The following DCAF1 variants were observed in gnomAD, a reference collection of about 807,000 sequenced individuals.
The protein encoded by DCAF1 is DDB1 and CUL4 associated factor 1.
DCAF1 carries 15 observed loss-of-function variants against 128.0 expected under a neutral mutation model. The observed-to-expected ratio is 0.12, with a 90% CI of 0.08 to 0.18. The LOEUF is 0.18. Ranked by LOEUF, DCAF1 falls within the 10% of genes least tolerant of loss-of-function variation. DCAF1 has a pLI of 1.00. For synonymous variants in DCAF1, 610 were observed against 603.0 expected, an observed-to-expected ratio of 1.01 and a Z score of -0.17; for missense variants, 988 against 1,649.5, an observed-to-expected ratio of 0.60 and a Z score of 6.95.
chr3:51,502,098 C>T (rs1363304817), upstream of DCAF1, among the ~76,000 whole-genome samples: 4 of 152,136 alleles, frequency 2.6e-5, no homozygotes, highest in African/African-American at 4.8e-5. Flanking sequence ...TGGATATCTC[C>T]CCTCTGACTA....
intron 6 of DCAF1, among the ~76,000 whole-genome samples, chr3:51,447,014 A>G (rs1419639218): frequency 8.6e-6 from 1 of 116,486 alleles, no homozygotes; most frequent in Admixed American, 8.4e-5. Context: ...TGTTTTAAAT[A>G]TTTTTTAAAA....
intron 9 of DCAF1, chr3:51,437,485 TGA>T (rs2107640663): frequency 2.3e-6 from 1 of 438,588 alleles, no homozygotes; most frequent in East Asian, 6.7e-5. Context: ...AGGTAACTAC[TGA>T]GAGATGAGGT....
At chr3:51,477,173 T>C (rs1343323827) in intron 3 of DCAF1, among the ~76,000 whole-genome samples, 1 of 151,900 alleles carries the variant, frequency 6.6e-6, no homozygotes, top group Non-Finnish European at 1.5e-5. Flanking sequence ...AAAGGATGAA[T>C]TCAAGTTACA....
At chr3:51,498,506 C>T (rs1708494040) in intron 1 of DCAF1, among the ~76,000 whole-genome samples, 1 of 151,716 alleles carries the variant, frequency 6.6e-6, no homozygotes, top group South Asian at 2.1e-4. Flanking sequence ...GGGAGGCTGA[C>T]CAGGGAGGAT....
At chr3:51,488,031 A>T (rs1707178675) in intron 2 of DCAF1, among the ~76,000 whole-genome samples, 1 of 151,556 alleles carries the variant, frequency 6.6e-6, no homozygotes, top group South Asian at 2.1e-4. Context: ...TGCCCGGCTA[A>T]TTTTTGTACT....
chr3:51,407,010 A>C (rs2090163726), intron 23 of DCAF1, among the ~76,000 whole-genome samples: 1 of 152,192 alleles, frequency 6.6e-6, no homozygotes, highest in Non-Finnish European at 1.5e-5. Context: ...CCTGGGCAAC[A>C]GGGTGAAACC....
intron 6 of DCAF1, among the ~76,000 whole-genome samples, chr3:51,446,136 G>A (rs1701829091): frequency 6.6e-6 from 1 of 151,698 alleles, no homozygotes; most frequent in Non-Finnish European, 1.5e-5. Flanking sequence ...TGGGATTATA[G>A]GTGCACACCA....
intron 3 of DCAF1, among the ~76,000 whole-genome samples, chr3:51,472,709 G>A (rs1704900969): frequency 6.6e-6 from 1 of 150,694 alleles, no homozygotes. Flanking sequence ...TCGTTGCCCA[G>A]GCTGGAGTGC....
chr3:51,451,069 C>CTTTTTTT lies in DCAF1; in HGVS notation c.376-7173_376-7167dup, dbSNP rs1167474829. ...CAATGAACAATATAAAAAGGAAATT[C>CTTTTTTT]TTTTTTTTTTTTTTTTTTTTTTTTT... is the stretch of plus-strand genomic sequence containing the variant. On this transcript the variant is annotated intron_variant, in intron 6 of 24. Transcript: ENST00000684031. 3.0e-3 allele frequency among the ~76,000 whole-genome samples: 81 copies of CTTTTTTT among 27,110 alleles called. 34 individuals are homozygous for CTTTTTTT. Among genetic ancestry groups the CTTTTTTT allele is most frequent in the South Asian group, 5.5e-3 (3 of 548 alleles). 17.8% of individuals were successfully genotyped at this position (27,110 alleles called of 152,430 possible). A position where few individuals can be genotyped will look rare whatever the true frequency, so the allele number is the denominator to read the frequency against.
chr3:51,435,834 G>T (rs879996545), intron 9 of DCAF1, among the ~76,000 whole-genome samples: 2 of 151,954 alleles, frequency 1.3e-5, no homozygotes, highest in African/African-American at 4.8e-5. Flanking sequence ...ATAAGTATCT[G>T]GCCCATAAAA....
intron 1 of DCAF1, among the ~76,000 whole-genome samples, chr3:51,497,581 C>T (rs998859917): frequency 9.4e-5 from 14 of 148,880 alleles, no homozygotes; most frequent in African/African-American, 2.2e-4. Flanking sequence ...AGCAAGACTC[C>T]GTCTCAAAAA....
At chr3:51,457,003 C>T (rs1171080319) in intron 6 of DCAF1, among the ~76,000 whole-genome samples, 2 of 152,108 alleles carry the variant, frequency 1.3e-5, no homozygotes, top group Admixed American at 6.6e-5. Flanking sequence ...AAAATCAGAG[C>T]GCCTCTCCTC....
chr3:51,397,057 C>G (rs1251106512), downstream of DCAF1: 1 of 167,092 alleles, frequency 6.0e-6, no homozygotes, highest in Non-Finnish European at 1.5e-5. Flanking sequence ...GCTTTACCTG[C>G]CCCTGGAGAG....
intron 6 of DCAF1, among the ~76,000 whole-genome samples, chr3:51,457,917 T>A (rs1442678240): frequency 6.6e-6 from 1 of 152,118 alleles, no homozygotes; most frequent in African/African-American, 2.4e-5. Flanking sequence ...AAGGAAGCAC[T>A]AAACATGGAA....
chr3:51,405,494 G>A (rs188439519), intron 23 of DCAF1, among the ~76,000 whole-genome samples: 62 of 152,306 alleles, frequency 4.1e-4, no homozygotes, highest in Middle Eastern at 3.4e-3. Flanking sequence ...AAACACATAT[G>A]TGACCATGAG....
chr3:51,443,923 A>G lies in DCAF1; in HGVS notation c.376-20T>C. 1 of 1,566,050 alleles carries G rather than the reference A, an allele frequency of 6.4e-7. No individual in the cohort carries two copies. Among genetic ancestry groups the G allele is most frequent in the Non-Finnish European group, 8.6e-7 (1 of 1,163,090 alleles). On this transcript the variant is annotated intron_variant, in intron 6 of 24. Coordinates refer to ENST00000684031, the MANE Select transcript of DCAF1 (RefSeq NM_001387579.1). ...TCCCTCCTATAGTAAAGGAAATTAA[A>G]TAGTACATTTCGGAAAAAGCCCAAG... is the stretch of plus-strand genomic sequence containing the variant.
intron 6 of DCAF1, among the ~76,000 whole-genome samples, chr3:51,444,409 G>C (rs1701645881): frequency 6.6e-6 from 1 of 151,226 alleles, no homozygotes; most frequent in Non-Finnish European, 1.5e-5. Flanking sequence ...GGAGTACAGT[G>C]GTGCAATCTT....
intron 4 of DCAF1, among the ~76,000 whole-genome samples, 183 bp downstream of exon 4, chr3:51,470,746 C>T (rs1704641781): frequency 1.3e-5 from 2 of 152,046 alleles, no homozygotes; most frequent in South Asian, 4.1e-4. Flanking sequence ...TCACTAGCTC[C>T]ACCTTGAGCA....
intron 6 of DCAF1, among the ~76,000 whole-genome samples, chr3:51,458,789 C>T (rs1703210032): frequency 6.6e-6 from 1 of 152,172 alleles, no homozygotes; most frequent in African/African-American, 2.4e-5. Flanking sequence ...TACATGAAAA[C>T]TGAACAACCT....
Sources: allele counts gnomAD v4.1 joint callset (sites outside exome capture counted in the v4.1 genomes callset), GRCh38; gene constraint gnomAD v4.1.1; transcripts MANE v1.5; gene names NCBI Gene and HGNC (gene_info 2026-07-23, HGNC 2026-07-21).